GLIS3: variants seen among roughly 807,000 people sequenced by gnomAD.
GLIS3 encodes the protein GLIS family zinc finger 3.
Under a neutral mutation model 78.6 loss-of-function variants are expected in GLIS3, and 53 were observed. That is an observed-to-expected ratio of 0.67 (90% confidence interval 0.54 to 0.85). The LOEUF is 0.85. GLIS3 is among the 40% of genes least tolerant of loss of function. The pLI is 0.00. For missense variants in GLIS3, 1,703 were observed against 1,231.1 expected (o/e 1.38, Z -5.74); for synonymous variants, 684 against 509.9 (o/e 1.34, Z -4.60).
chr9:4,387,431 G>A, the GLIS3 span, among the ~76,000 whole-genome samples: 1 of 152,040 alleles, frequency 6.6e-6, no homozygotes, highest in South Asian at 2.1e-4. Flanking sequence ...CATAGGTTAC[G>A]GTGTCCTCAC....
At chr9:4,285,934 G>C in intron 2 of GLIS3, 104 bp downstream of exon 2, 1 of 1,361,822 alleles carries the variant, frequency 7.3e-7, no homozygotes, top group Non-Finnish European at 1.0e-6. Flanking sequence ...CTTTGACCCT[G>C]ACACTGAATC....
chr9:4,424,320 T>C, the GLIS3 span, among the ~76,000 whole-genome samples: 2 of 152,158 alleles, frequency 1.3e-5, no homozygotes, highest in Non-Finnish European at 2.9e-5. Context: ...TCCCTATCTG[T>C]GAAATTATGC....
At chr9:4,397,817 C>T in the GLIS3 span, among the ~76,000 whole-genome samples, 17 of 151,736 alleles carry the variant, frequency 1.1e-4, no homozygotes, top group Non-Finnish European at 1.5e-4. Context: ...ATTACATACA[C>T]GAAAGCACCG....
intron 2 of GLIS3, among the ~76,000 whole-genome samples, chr9:4,242,928 A>T (rs1392598757): frequency 6.6e-6 from 1 of 152,182 alleles, no homozygotes; most frequent in East Asian, 1.9e-4. Context: ...TCATATGTGT[A>T]GCTTACACTA....
intron 2 of GLIS3, among the ~76,000 whole-genome samples, chr9:4,251,656 T>C (rs7019369): frequency 0.39 from 58,953 of 151,974 alleles, 11,560 homozygotes; most frequent in Admixed American, 0.42. Flanking sequence ...ATTATGATGC[T>C]AGCTGGTTAT....
At chr9:3,842,734 A>G (rs1818800203) in intron 9 of GLIS3, among the ~76,000 whole-genome samples, 1 of 152,238 alleles carries the variant, frequency 6.6e-6, no homozygotes, top group Non-Finnish European at 1.5e-5. Context: ...TGTATATTTA[A>G]TAAGGTATTT....
At chr9:4,136,737 G>C (rs986867812) in intron 2 of GLIS3, among the ~76,000 whole-genome samples, 1 of 152,166 alleles carries the variant, frequency 6.6e-6, no homozygotes, top group African/African-American at 2.4e-5. Context: ...ACAAAGATGA[G>C]CTAGGGCTGC....
intron 2 of GLIS3, among the ~76,000 whole-genome samples, chr9:4,217,636 G>A (rs935122072): frequency 1.3e-5 from 2 of 152,140 alleles, no homozygotes; most frequent in Non-Finnish European, 2.9e-5. Context: ...ATATATTTTA[G>A]AGTGCTGAAC....
chr9:4,297,749 C>T (rs948014231), intron 1 of GLIS3, among the ~76,000 whole-genome samples: 7 of 152,176 alleles, frequency 4.6e-5, no homozygotes, highest in Non-Finnish European at 7.3e-5. Context: ...GCGTGGGGCT[C>T]AAGGAGGCAC....
chr9:3,908,706 G>GTTTTTTGTT (rs1823893662), intron 6 of GLIS3, among the ~76,000 whole-genome samples: 2 of 85,564 alleles, frequency 2.3e-5, no homozygotes, highest in Non-Finnish European at 4.1e-5. Flanking sequence ...ATTTGTATTT[G>GTTTTTTGTT]TTTTTTTTTT....
At chr9:4,434,394 A>G in the GLIS3 span, among the ~76,000 whole-genome samples, 1 of 152,206 alleles carries the variant, frequency 6.6e-6, no homozygotes, top group Non-Finnish European at 1.5e-5. Context: ...TAAGAAAAGA[A>G]GCACCTAAAA....
intron 9 of GLIS3, among the ~76,000 whole-genome samples, chr9:3,839,048 C>G (rs1818552252): frequency 6.6e-6 from 1 of 152,164 alleles, no homozygotes; most frequent in African/African-American, 2.4e-5. Context: ...ACACTCACTA[C>G]CTACATGGTA....
At chr9:4,347,795 C>G (rs1817914645) in intron 1 of GLIS3, among the ~76,000 whole-genome samples, 1 of 151,934 alleles carries the variant, frequency 6.6e-6, no homozygotes, top group South Asian at 2.1e-4. Context: ...AGATGAAAAT[C>G]TTAAGAATAA....
At chr9:3,914,252 C>G (rs1824348865) in intron 6 of GLIS3, among the ~76,000 whole-genome samples, 1 of 152,072 alleles carries the variant, frequency 6.6e-6, no homozygotes, top group Non-Finnish European at 1.5e-5. Context: ...CTCAAGCTAT[C>G]CTCCCATCTC....
intron 4 of GLIS3, among the ~76,000 whole-genome samples, chr9:4,027,836 C>G (rs376372051): frequency 2.0e-5 from 3 of 152,174 alleles, no homozygotes; most frequent in African/African-American, 4.8e-5. Flanking sequence ...GCGGAACCCT[C>G]GTAGGAGAGG....
chr9:4,102,731 C>G (rs1257249466), intron 4 of GLIS3, among the ~76,000 whole-genome samples: 1 of 152,120 alleles, frequency 6.6e-6, no homozygotes, highest in East Asian at 1.9e-4. Flanking sequence ...AATCTCAAGT[C>G]CCTAAGACAC....
the GLIS3 span, among the ~76,000 whole-genome samples, chr9:4,432,225 C>T: frequency 6.6e-6 from 1 of 152,118 alleles, no homozygotes; most frequent in African/African-American, 2.4e-5. Context: ...ATAGGAGTTG[C>T]CAATAAATGA....
the GLIS3 span, among the ~76,000 whole-genome samples, chr9:4,408,730 A>AAC: frequency 1.0e-4 from 15 of 150,252 alleles, no homozygotes; most frequent in East Asian, 1.2e-3. Flanking sequence ...CTGTCTCAAA[A>AAC]AAAAAAAAAA....
At chr9:3,859,099 G>T (rs143316807) in intron 8 of GLIS3, among the ~76,000 whole-genome samples, 60 of 152,208 alleles carry the variant, frequency 3.9e-4, no homozygotes, top group Non-Finnish European at 8.1e-4. Flanking sequence ...AGGTCCCTGG[G>T]AATGTCAAAA....
Sources: allele counts gnomAD v4.1 joint callset (sites outside exome capture counted in the v4.1 genomes callset), GRCh38; gene constraint gnomAD v4.1.1; transcripts MANE v1.5; gene names NCBI Gene and HGNC (gene_info 2026-07-23, HGNC 2026-07-21).